The following CACNA1E variants were observed in gnomAD, a reference collection of about 807,000 sequenced individuals.
CACNA1E encodes voltage-dependent R-type calcium channel subunit alpha-1E.
CACNA1E carries 40 observed loss-of-function variants against 259.2 expected under a neutral mutation model. The ratio of observed to expected loss-of-function variants is 0.15; its 90% CI spans 0.12 to 0.20. The LOEUF is 0.20. Among genes scored for constraint, CACNA1E ranks in the 10% least tolerant of loss-of-function variants. CACNA1E has a pLI of 1.00. For missense variants in CACNA1E, 1,874 were observed against 3,040.1 expected, an observed-to-expected ratio of 0.62 and a Z score of 9.02; for synonymous variants, 1,104 against 1,138.5, an observed-to-expected ratio of 0.97 and a Z score of 0.61.
intron 2 of CACNA1E, among the ~76,000 whole-genome samples, chr1:181,453,395 C>A (rs1661277638): frequency 6.6e-6 from 1 of 152,168 alleles, no homozygotes; most frequent in Non-Finnish European, 1.5e-5. Flanking sequence ...ATTTATTGAG[C>A]ACCTACAGTA....
chr1:181,601,909 G>A (rs1414654037), intron 6 of CACNA1E, among the ~76,000 whole-genome samples: 1 of 152,156 alleles, frequency 6.6e-6, no homozygotes, highest in Non-Finnish European at 1.5e-5. Flanking sequence ...ATCTGCTCCA[G>A]CACAGTAGCC....
chr1:181,492,390 C>A (rs1185723181), intron 1 of CACNA1E, among the ~76,000 whole-genome samples: 1 of 152,076 alleles, frequency 6.6e-6, no homozygotes, highest in Non-Finnish European at 1.5e-5. Flanking sequence ...AGCTCATTAC[C>A]ACTTTTTTTG....
chr1:181,546,155 C>T (rs1011093216), intron 3 of CACNA1E, among the ~76,000 whole-genome samples: 7 of 152,030 alleles, frequency 4.6e-5, no homozygotes, highest in South Asian at 2.1e-4. Context: ...TGTGCCAGGT[C>T]GTCAAGTTTC....
At chr1:181,769,462 G>C (rs1659309055) in intron 35 of CACNA1E, among the ~76,000 whole-genome samples, 1 of 144,976 alleles carries the variant, frequency 6.9e-6, no homozygotes, top group South Asian at 2.2e-4. Context: ...TTTTTGTAAA[G>C]ATGAGGTCTC....
chr1:181,431,266 G>C (rs973532920), intron 2 of CACNA1E, among the ~76,000 whole-genome samples: 1 of 152,202 alleles, frequency 6.6e-6, no homozygotes, highest in Non-Finnish European at 1.5e-5. Context: ...TGTGTATGCT[G>C]TCTTGGTTAT....
intron 1 of CACNA1E, among the ~76,000 whole-genome samples, chr1:181,369,911 G>A (rs902710146): frequency 6.6e-6 from 1 of 152,174 alleles, no homozygotes; most frequent in African/African-American, 2.4e-5. Flanking sequence ...AAGTAAATAA[G>A]CACAGAACCA....
chr1:181,426,090 G>T (rs961198353), intron 2 of CACNA1E, among the ~76,000 whole-genome samples: 1 of 152,032 alleles, frequency 6.6e-6, no homozygotes, highest in Non-Finnish European at 1.5e-5. Context: ...CAGTTCTGGG[G>T]ACAGTGCTCC....
intron 6 of CACNA1E, among the ~76,000 whole-genome samples, chr1:181,618,636 T>C (rs1015699904): frequency 2.0e-5 from 3 of 152,212 alleles, no homozygotes; most frequent in Non-Finnish European, 4.4e-5. Flanking sequence ...CTCATCCATA[T>C]TTTATAGACA....
chr1:181,729,266 G>A (rs1655238121), intron 18 of CACNA1E, among the ~76,000 whole-genome samples: 2 of 152,098 alleles, frequency 1.3e-5, no homozygotes, highest in Admixed American at 1.3e-4. Context: ...CTGCTCAGGT[G>A]TATGTGCCCT....
intron 6 of CACNA1E, among the ~76,000 whole-genome samples, chr1:181,631,373 C>T (rs1262824845): frequency 1.2e-5 from 1 of 80,328 alleles, no homozygotes; most frequent in Non-Finnish European, 3.0e-5. Context: ...CTCTAAATGT[C>T]TTTTTTCTTG....
intron 6 of CACNA1E, among the ~76,000 whole-genome samples, chr1:181,609,033 C>T (rs1654496677): frequency 1.3e-5 from 2 of 152,136 alleles, no homozygotes; most frequent in South Asian, 4.1e-4. Context: ...CCAGTATCCA[C>T]AAAGGAAAGT....
At chr1:181,427,016 C>T (rs1659324574) in intron 2 of CACNA1E, among the ~76,000 whole-genome samples, 1 of 150,724 alleles carries the variant, frequency 6.6e-6, no homozygotes, top group Admixed American at 6.6e-5. Flanking sequence ...ACCTCAGCTT[C>T]TTCACATCTC....
intron 25 of CACNA1E, among the ~76,000 whole-genome samples, chr1:181,745,049 T>G (rs1656929666): frequency 6.6e-6 from 1 of 152,176 alleles, no homozygotes; most frequent in Non-Finnish European, 1.5e-5. Flanking sequence ...CATGGACTTT[T>G]GAGGTGCCTA....
At chr1:181,632,726 AT>A (rs1378683851) in intron 6 of CACNA1E, among the ~76,000 whole-genome samples, 1 of 148,878 alleles carries the variant, frequency 6.7e-6, no homozygotes, top group Non-Finnish European at 1.5e-5. Context: ...TGGAAATGAA[AT>A]TTGTACCCCC....
Position 181,719,833 on chromosome 1 carries a change from T to C in CACNA1E, c.1721T>C (p.Leu574Pro). 6.3e-7 allele frequency: 1 copy of C among 1,590,480 alleles called. No individual in the cohort carries two copies. The highest frequency in any genetic ancestry group is 8.6e-7 in the Non-Finnish European group (1 of 1,166,742). ...TSFGISVLRA[L>P]RLLRIFKITK... Reference sequence around the variant, plus strand: ...TTTGGAATCAGTGTCTTGCGAGCCCTCCGGCTTCTAAGAATATTTAAAATA... The same window carrying C: ...TTTGGAATCAGTGTCTTGCGAGCCCCCCGGCTTCTAAGAATATTTAAAATA... The change falls in exon 13 of 48, where the codon CTC becomes CCC. Residue 574 changes from leucine to proline, a missense_variant. This residue lies in a region of CACNA1E where 102 missense variants were observed against 279.4 expected (regional missense o/e 0.37). Transcript: ENST00000367573.
Position 181,724,786 on chromosome 1 carries a change from A to G in CACNA1E, c.2142+249A>G, listed in dbSNP as rs75128049. Among the ~76,000 whole-genome samples the G allele has an allele frequency of 0.026, 3,887 of 152,320 alleles. 166 individuals carry two copies. The highest frequency in any genetic ancestry group is 0.089 in the African/African-American group (3,687 of 41,564). On this transcript the variant is annotated intron_variant, in intron 17 of 47. Transcript: ENST00000367573. ...CACAGAAAATAACATCTTAATTTCT[A>G]TGAGCCCTCAAAGGAGTCCTTTCCA...
chr1:181,773,501 G>A (rs1346182286), intron 37 of CACNA1E, among the ~76,000 whole-genome samples: 1 of 152,132 alleles, frequency 6.6e-6, no homozygotes, highest in Non-Finnish European at 1.5e-5. Context: ...ATATACAACA[G>A]TATCTTATTT....
At chr1:181,372,597 C>T (rs1196428022) in intron 1 of CACNA1E, among the ~76,000 whole-genome samples, 1 of 152,042 alleles carries the variant, frequency 6.6e-6, no homozygotes. Context: ...ATTTCTTTCT[C>T]TTGCCCGATT....
In CACNA1E at chr1:181,430,335, C is replaced by T. The variant is rs530722104; in HGVS notation, c.434+16755C>T. ...GAAAGTCCTCTGCCACAGAGGGGAC[C>T]CGAAAGAGGGTTGCCTTTTTACAGT... is the stretch of plus-strand genomic sequence containing the variant. On this transcript the variant is annotated intron_variant, in intron 2 of 11. Coordinates refer to the CACNA1E transcript ENST00000524607. 2.6e-5 allele frequency among the ~76,000 whole-genome samples: 4 copies of T among 152,254 alleles called. No homozygotes were observed. In the South Asian group the frequency reaches 8.3e-4, roughly 32 times the overall value.
Sources: allele counts gnomAD v4.1 joint callset (sites outside exome capture counted in the v4.1 genomes callset), GRCh38; gene constraint gnomAD v4.1.1; regional missense constraint gnomAD v4.1.1; transcripts MANE v1.5; gene names NCBI Gene and HGNC (gene_info 2026-07-23, HGNC 2026-07-21).